Variants in PPARGC1A observed in about 807,000 individuals in gnomAD.
PPARGC1A encodes the protein peroxisome proliferator-activated receptor gamma coactivator 1-alpha.
PPARGC1A carries 25 observed loss-of-function variants against 88.7 expected under a neutral mutation model. That is an observed-to-expected ratio of 0.28 (90% confidence interval 0.21 to 0.39). The LOEUF is 0.39. Ranked by LOEUF, PPARGC1A falls within the 10% of genes least tolerant of loss-of-function variation. The probability of loss-of-function intolerance (pLI) is 1.00; values close to 1 mark genes in which losing one functional copy is unlikely to be tolerated. For missense variants in PPARGC1A, 880 were observed against 968.7 expected, an observed-to-expected ratio of 0.91 and a Z score of 1.22; for synonymous variants, 363 against 355.6, an observed-to-expected ratio of 1.02 and a Z score of -0.24.
At chr4:24,159,756 G>A in the PPARGC1A span, among the ~76,000 whole-genome samples, 1 of 152,170 alleles carries the variant, frequency 6.6e-6, no homozygotes, top group African/African-American at 2.4e-5. Flanking sequence ...ACAAGCATCA[G>A]CTGTGCTCTG....
At chr4:24,185,015 G>A in the PPARGC1A span, among the ~76,000 whole-genome samples, 61 of 152,234 alleles carry the variant, frequency 4.0e-4, no homozygotes, top group African/African-American at 1.2e-3. Context: ...TTTTGTTCAC[G>A]GTATAACAGG....
the PPARGC1A span, among the ~76,000 whole-genome samples, chr4:23,994,239 C>T: frequency 6.6e-6 from 1 of 152,070 alleles, no homozygotes; most frequent in Non-Finnish European, 1.5e-5. Flanking sequence ...GGAAGTAACC[C>T]GTTAAAGGCT....
chr4:23,981,742 A>T, the PPARGC1A span, among the ~76,000 whole-genome samples: 1 of 152,160 alleles, frequency 6.6e-6, no homozygotes, highest in African/African-American at 2.4e-5. Flanking sequence ...AATTACTATT[A>T]TTCTCTGTGT....
chr4:24,412,830 A>G, the PPARGC1A span, among the ~76,000 whole-genome samples: 1 of 152,200 alleles, frequency 6.6e-6, no homozygotes, highest in South Asian at 2.1e-4. Context: ...CCCATTATCT[A>G]TGGCTGCTTT....
chr4:24,058,379 C>T, the PPARGC1A span, among the ~76,000 whole-genome samples: 7 of 152,290 alleles, frequency 4.6e-5, no homozygotes, highest in East Asian at 1.4e-3. Context: ...ATTGAGAAAT[C>T]AATTGTAATT....
rs1721570318 is a variant in PPARGC1A at position 23,814,539 on chromosome 4, T to C, written c.944A>G (p.Lys315Arg). 1 of 1,612,640 alleles carries C rather than the reference T, an allele frequency of 6.2e-7. No homozygotes were observed. Among genetic ancestry groups the C allele is most frequent in the Non-Finnish European group, 8.5e-7 (1 of 1,179,716 alleles). ...NQDNPFRASP[K>R]LKSSCKTVVP... Reference sequence around the variant, plus strand: ...CACAGTCTTGCAAGAGGACTTCAGCTTTGGAGAAGCCCTAAAAGGGTTATC... The same window carrying C: ...CACAGTCTTGCAAGAGGACTTCAGCCTTGGAGAAGCCCTAAAAGGGTTATC... Residue 315 changes from lysine to arginine, a missense_variant, in exon 8 of 13, where the codon AAG (lysine) becomes AGG (arginine). By Grantham distance (26) the Lys-to-Arg change is conservative. Coordinates refer to ENST00000264867, the MANE Select transcript of PPARGC1A (RefSeq NM_013261.5).
At chr4:24,333,240 T>A in the PPARGC1A span, among the ~76,000 whole-genome samples, 1 of 151,330 alleles carries the variant, frequency 6.6e-6, no homozygotes, top group East Asian at 2.0e-4. Flanking sequence ...CAAGACTCCA[T>A]CTCAAAAGAA....
At chr4:23,973,858 C>T in the PPARGC1A span, among the ~76,000 whole-genome samples, 1 of 151,830 alleles carries the variant, frequency 6.6e-6, no homozygotes, top group African/African-American at 2.4e-5. Flanking sequence ...GGTTGGTAAC[C>T]TTTAAGGTAT....
the PPARGC1A span, among the ~76,000 whole-genome samples, chr4:24,104,247 G>C: frequency 1.3e-5 from 2 of 152,134 alleles, no homozygotes; most frequent in African/African-American, 4.8e-5. Context: ...GTGGCTATAG[G>C]GGTTTATCAC....
At chr4:23,847,723 A>G (rs542843166) in intron 2 of PPARGC1A, among the ~76,000 whole-genome samples, 2 of 152,316 alleles carry the variant, frequency 1.3e-5, no homozygotes, top group African/African-American at 4.8e-5. Context: ...TTATGAAACG[A>G]ATCAAGACAG....
chr4:24,353,444 T>C, the PPARGC1A span, among the ~76,000 whole-genome samples: 2 of 151,828 alleles, frequency 1.3e-5, no homozygotes, highest in Non-Finnish European at 2.9e-5. Context: ...TTTTATCAAC[T>C]GAAGAAACAT....
chr4:24,348,920 T>TCCCTC, the PPARGC1A span, among the ~76,000 whole-genome samples: 1 of 152,156 alleles, frequency 6.6e-6, no homozygotes, highest in African/African-American at 2.4e-5. Flanking sequence ...TCCTTGTCAT[T>TCCCTC]TGGGTAGGCT....
chr4:24,371,769 C>T, the PPARGC1A span, among the ~76,000 whole-genome samples: 15 of 144,444 alleles, frequency 1.0e-4, no homozygotes, highest in African/African-American at 2.4e-4. Flanking sequence ...GATGAAACCC[C>T]ATCTCCACAA....
chr4:24,081,743 A>AT, the PPARGC1A span, among the ~76,000 whole-genome samples: 8,536 of 146,236 alleles, frequency 0.058, 641 homozygotes, highest in African/African-American at 0.18. Context: ...TAAGAACACA[A>AT]TTTTTTTTTT....
chr4:24,356,367 G>T, the PPARGC1A span, among the ~76,000 whole-genome samples: 3 of 152,190 alleles, frequency 2.0e-5, no homozygotes, highest in East Asian at 5.8e-4. Flanking sequence ...ATTATCCCTC[G>T]CTACTAAAAT....
the PPARGC1A span, among the ~76,000 whole-genome samples, chr4:24,306,049 G>A: frequency 6.6e-6 from 1 of 152,066 alleles, no homozygotes; most frequent in African/African-American, 2.4e-5. Flanking sequence ...GGAGCAGTCA[G>A]TATCTATGAG....
At chr4:23,853,219 G>C (rs187987176) in intron 2 of PPARGC1A, among the ~76,000 whole-genome samples, 2 of 152,034 alleles carry the variant, frequency 1.3e-5, no homozygotes, top group South Asian at 2.1e-4. Flanking sequence ...GTACAGAAAG[G>C]GGTTAGTTTT....
the PPARGC1A span, among the ~76,000 whole-genome samples, chr4:24,092,337 A>G: frequency 6.6e-5 from 10 of 152,180 alleles, no homozygotes; most frequent in African/African-American, 2.4e-4. Flanking sequence ...TCAATGCTTC[A>G]CTAGCACTTC....
intron 7 of PPARGC1A, among the ~76,000 whole-genome samples, chr4:23,815,423 T>C (rs752433868): frequency 8.5e-5 from 13 of 152,114 alleles, no homozygotes; most frequent in Non-Finnish European, 1.6e-4. Flanking sequence ...GCCGACCATT[T>C]TATATAGAGC....
Sources: gnomAD v4.1 joint callset for allele counts (sites outside exome capture counted in the v4.1 genomes callset) on GRCh38, gnomAD v4.1.1 for gene constraint, MANE v1.5 for transcripts, NCBI Gene and HGNC (gene_info 2026-07-23, HGNC 2026-07-21) for gene names.